DGKB: variants seen among roughly 807,000 people sequenced by gnomAD.
DGKB encodes diacylglycerol kinase beta.
DGKB carries 67 observed loss-of-function variants against 114.3 expected under a neutral mutation model. That is an observed-to-expected ratio of 0.59 (90% CI 0.48 to 0.72). The LOEUF is 0.72. Among genes scored for constraint, DGKB ranks in the 30% least tolerant of loss-of-function variants. DGKB has a pLI of 0.00. For missense variants in DGKB, 907 were observed against 975.2 expected, an observed-to-expected ratio of 0.93 and a Z score of 0.93; for synonymous variants, 398 against 323.1, an observed-to-expected ratio of 1.23 and a Z score of -2.49.
intron 23 of DGKB, among the ~76,000 whole-genome samples, chr7:14,278,421 G>A (rs1186769512): frequency 1.3e-5 from 2 of 152,166 alleles, no homozygotes; most frequent in East Asian, 3.9e-4. Flanking sequence ...ACATGGTATT[G>A]GGAAACCCGG....
chr7:14,718,668 CT>C lies in DGKB; in HGVS notation c.339del (p.Gly114ValfsTer19). 1 of 1,607,966 alleles carries C rather than the reference CT, an allele frequency of 6.2e-7. No homozygotes were observed. Among genetic ancestry groups the C allele is most frequent in the Admixed American group, 1.7e-5 (1 of 58,760 alleles). On this transcript the variant is annotated frameshift_variant, in exon 6 of 26. Transcript: ENST00000402815. LOFTEE classifies it high-confidence loss of function. ...ALLSGGLRMN[K>X]GAITPPRTTS... is the part of the protein sequence containing the mutation. ...GTAGTCCGGGGAGGGGTGATGGCAC[CT>C]TTATTCATTCTCAGACCTGGAAAAA...
At position 14,520,690 on chromosome 7, in the gene DGKB, G is replaced by C. The variant is rs193270463; in HGVS notation, c.1771-42465C>G. Among the ~76,000 whole-genome samples the C allele has an allele frequency of 1.3e-3, 196 of 151,960 alleles. 1 individual carries two copies. The highest frequency in any genetic ancestry group is 2.1e-3 in the Non-Finnish European group (146 of 67,910). On this transcript the variant is annotated intron_variant, in intron 20 of 25. Coordinates refer to ENST00000402815, the MANE Select transcript of DGKB (RefSeq NM_001350709.2). ...TTTGTCATGGTCAGAGCAACACCTA[G>C]TATGATGTCAGTCTTTTTATATTCA...
chr7:14,152,554 A>C (rs1283731946), intron 25 of DGKB, among the ~76,000 whole-genome samples: 3 of 152,020 alleles, frequency 2.0e-5, no homozygotes, highest in Admixed American at 2.0e-4. Flanking sequence ...CTAGAAAAGC[A>C]ACAGTGGCAG....
chr7:14,649,733 G>T (rs1005394569), intron 13 of DGKB, among the ~76,000 whole-genome samples: 1 of 141,572 alleles, frequency 7.1e-6, no homozygotes, highest in Non-Finnish European at 1.5e-5. Context: ...CCATCAGTGT[G>T]CTGTATTCAG....
chr7:14,528,947 C>G (rs1024950972), intron 20 of DGKB, among the ~76,000 whole-genome samples: 3 of 151,928 alleles, frequency 2.0e-5, no homozygotes, highest in African/African-American at 7.2e-5. Flanking sequence ...AGATGGAGTT[C>G]AGAATTTGGT....
intron 23 of DGKB, among the ~76,000 whole-genome samples, chr7:14,313,672 G>A (rs559948566): frequency 6.6e-6 from 1 of 152,162 alleles, no homozygotes; most frequent in African/African-American, 2.4e-5. Flanking sequence ...AGCAGTCTGA[G>A]ATCAAACTGC....
chr7:14,499,864 C>T (rs963060144), intron 20 of DGKB, among the ~76,000 whole-genome samples: 1 of 149,866 alleles, frequency 6.7e-6, no homozygotes, highest in Non-Finnish European at 1.5e-5. Context: ...AATGTGGAAA[C>T]AAAAAACATA....
chr7:14,173,577 C>G (rs1446361426), intron 25 of DGKB, among the ~76,000 whole-genome samples: 2 of 152,144 alleles, frequency 1.3e-5, no homozygotes, highest in Admixed American at 6.5e-5. Context: ...AATTGAATAT[C>G]AGCTTACAGA....
chr7:14,429,881 C>T (rs528660125), intron 21 of DGKB, among the ~76,000 whole-genome samples: 6 of 151,924 alleles, frequency 3.9e-5, no homozygotes, highest in Non-Finnish European at 8.8e-5. Context: ...GAGCTGAGAT[C>T]AGGCCACTGG....
chr7:14,275,075 T>A (rs1439319997), intron 23 of DGKB, among the ~76,000 whole-genome samples: 2 of 152,112 alleles, frequency 1.3e-5, no homozygotes, highest in Non-Finnish European at 2.9e-5. Flanking sequence ...AGATTAAACA[T>A]CACTTTCTCT....
chr7:14,212,992 T>C (rs1344627843), intron 23 of DGKB, among the ~76,000 whole-genome samples: 1 of 152,100 alleles, frequency 6.6e-6, no homozygotes. Context: ...TGGGCATCTT[T>C]CTTTACACAG....
intron 2 of DGKB, among the ~76,000 whole-genome samples, chr7:14,781,789 A>T (rs888134094): frequency 1.3e-5 from 2 of 152,148 alleles, no homozygotes; most frequent in Non-Finnish European, 2.9e-5. Flanking sequence ...ACTGTACCCT[A>T]AGATAATATA....
chr7:14,959,301 T>C (rs555577678), intron 1 of DGKB, among the ~76,000 whole-genome samples: 3 of 152,026 alleles, frequency 2.0e-5, no homozygotes, highest in Non-Finnish European at 4.4e-5. Context: ...CTGGTTTATG[T>C]GAAAGCTACT....
At chr7:14,704,928 G>T (rs13437810) in intron 6 of DGKB, among the ~76,000 whole-genome samples, 3,466 of 152,158 alleles carry the variant, frequency 0.023, 115 homozygotes, top group African/African-American at 0.08. Context: ...TCCTCCAAAG[G>T]AACGCAGCTC....
At chr7:14,828,080 C>G (rs1845933625) in intron 2 of DGKB, among the ~76,000 whole-genome samples, 1 of 151,910 alleles carries the variant, frequency 6.6e-6, no homozygotes, top group South Asian at 2.1e-4. Context: ...TAGAAAATGC[C>G]AAGATACATA....
intron 21 of DGKB, among the ~76,000 whole-genome samples, chr7:14,447,333 G>A (rs1830865299): frequency 6.6e-6 from 1 of 152,156 alleles, no homozygotes. Flanking sequence ...TCTGGTGTCT[G>A]TGTGCCTTAT....
intron 12 of DGKB, 127 bp from the exon 13 acceptor site, chr7:14,673,154 A>T: frequency 1.7e-6 from 1 of 583,716 alleles, no homozygotes; most frequent in Non-Finnish European, 3.0e-6. Flanking sequence ...AAGAACAAAT[A>T]AACAGAGTCA....
intron 1 of DGKB, among the ~76,000 whole-genome samples, chr7:14,847,726 C>G (rs192869566): frequency 1.3e-5 from 2 of 152,328 alleles, no homozygotes; most frequent in Admixed American, 6.5e-5. Context: ...AAAACTACAA[C>G]AGGAAGTCCT....
chr7:14,218,645 C>G (rs906288668), intron 23 of DGKB, among the ~76,000 whole-genome samples: 2 of 152,044 alleles, frequency 1.3e-5, no homozygotes, highest in African/African-American at 4.8e-5. Context: ...GCTGATCATA[C>G]TTTTGTCCAT....
Sources: gnomAD v4.1 joint callset for allele counts (sites outside exome capture counted in the v4.1 genomes callset) on GRCh38, gnomAD v4.1.1 for gene constraint, MANE v1.5 for transcripts, NCBI Gene and HGNC (gene_info 2026-07-23, HGNC 2026-07-21) for gene names.